AFG2A: variants seen among roughly 807,000 people sequenced by gnomAD.
AFG2A encodes AAA ATPase AFG2A.
At chr4:123,118,787 T>C in the AFG2A span, among the ~76,000 whole-genome samples, 1 of 152,134 alleles carries the variant, frequency 6.6e-6, no homozygotes, top group Non-Finnish European at 1.5e-5. Flanking sequence ...GGTTTCCAGG[T>C]TGGTATCAGT....
the AFG2A span, among the ~76,000 whole-genome samples, chr4:123,296,964 T>A: frequency 6.6e-6 from 1 of 152,202 alleles, no homozygotes; most frequent in African/African-American, 2.4e-5. Context: ...TGAAATGCTG[T>A]GTACCTCATT....
chr4:122,994,960 C>A, the AFG2A span, among the ~76,000 whole-genome samples: 1 of 152,000 alleles, frequency 6.6e-6, no homozygotes, highest in Admixed American at 6.6e-5. Flanking sequence ...TCACCTGGCA[C>A]CTTTTCAGAT....
At chr4:122,961,925 TTCAG>T in the AFG2A span, among the ~76,000 whole-genome samples, 10 of 152,346 alleles carry the variant, frequency 6.6e-5, no homozygotes, top group African/African-American at 2.4e-4. Context: ...ATCAGTCCAA[TTCAG>T]TGGTCCCCAA....
chr4:122,927,330 ACT>A, the AFG2A span, among the ~76,000 whole-genome samples: 3,253 of 152,162 alleles, frequency 0.021, 58 homozygotes, highest in Non-Finnish European at 0.035. Context: ...AAGCTCAGAG[ACT>A]CTCTTTTGCA....
the AFG2A span, among the ~76,000 whole-genome samples, chr4:123,204,635 G>A: frequency 6.6e-6 from 1 of 152,136 alleles, no homozygotes; most frequent in Non-Finnish European, 1.5e-5. Flanking sequence ...TCTTAACAGG[G>A]ACTTTTGCTT....
At chr4:122,997,617 C>T in the AFG2A span, among the ~76,000 whole-genome samples, 13 of 152,052 alleles carry the variant, frequency 8.5e-5, no homozygotes, top group Non-Finnish European at 1.3e-4. Context: ...TACAAGTTTT[C>T]GTGTGAATAC....
chr4:122,940,594 C>G, the AFG2A span, among the ~76,000 whole-genome samples: 1 of 152,158 alleles, frequency 6.6e-6, no homozygotes, highest in East Asian at 1.9e-4. Context: ...CCTGTTCACT[C>G]TGATGGTAGT....
chr4:122,951,165 G>A, the AFG2A span, among the ~76,000 whole-genome samples: 1 of 152,092 alleles, frequency 6.6e-6, no homozygotes, highest in East Asian at 1.9e-4. Flanking sequence ...CTACATGTCA[G>A]GGCACCAAAG....
chr4:123,261,972 T>TGGGGG, the AFG2A span, among the ~76,000 whole-genome samples: 1 of 152,046 alleles, frequency 6.6e-6, no homozygotes, highest in African/African-American at 2.4e-5. Flanking sequence ...TTGTAGACAT[T>TGGGGG]GTCATGTTGC....
At chr4:123,086,426 C>A in the AFG2A span, among the ~76,000 whole-genome samples, 1 of 152,136 alleles carries the variant, frequency 6.6e-6, no homozygotes, top group Non-Finnish European at 1.5e-5. Context: ...TGGTCCCCAC[C>A]CCTCGACATA....
chr4:123,185,845 C>T, the AFG2A span, among the ~76,000 whole-genome samples: 1 of 151,636 alleles, frequency 6.6e-6, no homozygotes. Flanking sequence ...GAGCCGAGAT[C>T]GCGCCACTGC....
the AFG2A span, chr4:123,319,356 A>G: frequency 6.6e-6 from 1 of 152,190 alleles, no homozygotes. Flanking sequence ...GTTTTCCTGA[A>G]TGCTTCCTTT....
chr4:123,218,453 T>C, the AFG2A span, among the ~76,000 whole-genome samples: 1 of 152,282 alleles, frequency 6.6e-6, no homozygotes, highest in South Asian at 2.1e-4. Context: ...GAGTGGCAAT[T>C]ATTTTGTTTA....
the AFG2A span, chr4:123,028,550 T>C: frequency 3.2e-6 from 2 of 624,744 alleles, no homozygotes; most frequent in Non-Finnish European, 5.6e-6. Flanking sequence ...TATAGGGAGA[T>C]GAGTGATAAG....
chr4:123,300,727 A>G, the AFG2A span, among the ~76,000 whole-genome samples: 11 of 147,664 alleles, frequency 7.4e-5, no homozygotes, highest in Middle Eastern at 3.4e-3. Context: ...TTAAATTTTC[A>G]GTTGTATTAT....
the AFG2A span, among the ~76,000 whole-genome samples, chr4:123,017,211 G>T: frequency 2.3e-3 from 295 of 127,358 alleles, 2 homozygotes; most frequent in African/African-American, 9.0e-3. Flanking sequence ...GAGGGAGAGA[G>T]AGAGGGAGAG....
At chr4:123,041,524 G>T in the AFG2A span, among the ~76,000 whole-genome samples, 46 of 151,178 alleles carry the variant, frequency 3.0e-4, no homozygotes, top group Non-Finnish European at 4.9e-4. Context: ...GGGTTTTTTT[G>T]TTTGTTTGTT....
the AFG2A span, among the ~76,000 whole-genome samples, chr4:123,241,409 C>T: frequency 2.0e-5 from 3 of 152,322 alleles, no homozygotes; most frequent in East Asian, 3.9e-4. Context: ...CCGAATCCAG[C>T]AGCACATCCA....
chr4:122,979,247 G>A, the AFG2A span: 14 of 1,613,966 alleles, frequency 8.7e-6, no homozygotes, highest in South Asian at 5.5e-5. Flanking sequence ...TGTGCCTTGC[G>A]GAGAATCCTG....
Sources: gnomAD v4.1 joint callset for allele counts (sites outside exome capture counted in the v4.1 genomes callset) on GRCh38, gnomAD v4.1.1 for gene constraint, MANE v1.5 for transcripts, NCBI Gene and HGNC (gene_info 2026-07-23, HGNC 2026-07-21) for gene names.